Variants in BLK observed in about 807,000 individuals in gnomAD.
The protein encoded by BLK is tyrosine-protein kinase Blk.
BLK carries 64 observed loss-of-function variants against 61.8 expected under a neutral mutation model. The ratio of observed to expected loss-of-function variants is 1.03; its 90% CI spans 0.85 to 1.27. BLK has a LOEUF of 1.27. Ranked by LOEUF, BLK falls within the 50% of genes most tolerant of loss-of-function variation. The pLI is 0.00. For missense variants in BLK, 853 were observed against 660.5 expected, an observed-to-expected ratio of 1.29 and a Z score of -3.19; for synonymous variants, 351 against 272.0, an observed-to-expected ratio of 1.29 and a Z score of -2.86.
At chr8:11,508,576 C>G (rs1428357216) in intron 1 of BLK, among the ~76,000 whole-genome samples, 1 of 152,238 alleles carries the variant, frequency 6.6e-6, no homozygotes, top group Non-Finnish European at 1.5e-5. Flanking sequence ...TTCTGACCAC[C>G]CTATACCAGA....
chr8:11,535,784 A>T (rs1489225250), intron 1 of BLK, among the ~76,000 whole-genome samples: 1 of 152,222 alleles, frequency 6.6e-6, no homozygotes, highest in African/African-American at 2.4e-5. Context: ...CCTCGACAGC[A>T]TCTCTACCAA....
At chr8:11,515,618 T>C (rs1027563206) in intron 1 of BLK, among the ~76,000 whole-genome samples, 22 of 152,346 alleles carry the variant, frequency 1.4e-4, no homozygotes, top group African/African-American at 5.3e-4. Flanking sequence ...TTAACTGCAT[T>C]ATTTTTCTGT....
At chr8:11,538,686 G>A (rs955203924) in intron 1 of BLK, among the ~76,000 whole-genome samples, 2 of 152,198 alleles carry the variant, frequency 1.3e-5, no homozygotes, top group Non-Finnish European at 2.9e-5. Context: ...CTGGGCAGAT[G>A]CGGAAGTATG....
At chr8:11,513,704 A>C (rs996455623) in intron 1 of BLK, among the ~76,000 whole-genome samples, 6 of 152,236 alleles carry the variant, frequency 3.9e-5, no homozygotes, top group African/African-American at 1.4e-4. Flanking sequence ...GAGGCATTGC[A>C]TTCCCAAAGT....
At position 11,550,235 on chromosome 8, in the gene BLK, C is replaced by T; in HGVS notation, c.445C>T (p.Leu149Phe). ...TCCAATCAACAAGGCCGGCTCCTTT[C>T]TTATCAGAGAGAGTGAAACCAACAA... is the stretch of plus-strand genomic sequence containing the variant. ...LAPINKAGSF[L>F]IRESETNKGA... is the part of the protein sequence containing the mutation. The change falls in exon 6 of 13, where the codon CTT becomes TTT. Residue 149 changes from leucine (L) to phenylalanine (F), a missense_variant. Leu to Phe is a conservative substitution (Grantham distance 22, BLOSUM62 0). Coordinates refer to ENST00000259089, the MANE Select transcript of BLK (RefSeq NM_001715.3). 1 of 1,614,022 alleles carries T rather than the reference C, an allele frequency of 6.2e-7. No individual in the cohort carries two copies. Among genetic ancestry groups the T allele is most frequent in the South Asian group, 1.1e-5 (1 of 91,072 alleles).
intron 2 of BLK, 48 bp from the exon 3 acceptor site, chr8:11,546,004 C>A (rs753844347): frequency 1.3e-6 from 2 of 1,598,720 alleles, no homozygotes; most frequent in Non-Finnish European, 1.7e-6. Context: ...CAGGCCCCAC[C>A]CACGCAGCAG....
In BLK at chr8:11,525,783, C is replaced by T. The variant is rs190299701; in HGVS notation, c.-1-17441C>T. 1.8e-3 allele frequency among the ~76,000 whole-genome samples: 270 copies of T among 152,228 alleles called. 1 individual carries two copies. The highest frequency in any genetic ancestry group is 6.2e-3 in the African/African-American group (256 of 41,526). Reference sequence around the variant, plus strand: ...TCTCTGAGACAGAGTCTCATTCTGCCGCCCAGGCTGGAGTGCAGTGGCATG... The same window carrying T: ...TCTCTGAGACAGAGTCTCATTCTGCTGCCCAGGCTGGAGTGCAGTGGCATG... On this transcript the variant is annotated intron_variant, in intron 1 of 12. Transcript: ENST00000259089.
chr8:11,496,733 C>G (rs1798372050), intron 1 of BLK, among the ~76,000 whole-genome samples: 1 of 152,166 alleles, frequency 6.6e-6, no homozygotes, highest in African/African-American at 2.4e-5. Context: ...GACCCAGGCC[C>G]CTGGGGGAGT....
At chr8:11,521,535 C>T (rs1452416739) in intron 1 of BLK, among the ~76,000 whole-genome samples, 3 of 152,250 alleles carry the variant, frequency 2.0e-5, no homozygotes, top group Admixed American at 2.0e-4. Context: ...AAGTGGTACG[C>T]CCACCTTAGC....
At position 11,557,910 on chromosome 8, in the gene BLK, A is replaced by T. The variant is rs1585416830; in HGVS notation, c.953-52A>T. ...CTCACACCAGAGAGAGGCTGGCACC[A>T]CCAGGGGCGGGTCACTTTGCAGAAG... On this transcript the variant is annotated intron_variant, in intron 9 of 12. Coordinates refer to ENST00000259089, the MANE Select transcript of BLK (RefSeq NM_001715.3). The T allele has an allele frequency of 2.7e-5, 43 of 1,564,604 alleles. No individual in the cohort carries two copies. In the South Asian group the frequency reaches 4.3e-4, roughly 16 times the overall value.
At chr8:11,502,576 C>A (rs1208603282) in intron 1 of BLK, among the ~76,000 whole-genome samples, 1 of 152,220 alleles carries the variant, frequency 6.6e-6, no homozygotes, top group Non-Finnish European at 1.5e-5. Context: ...ACATGAGCCA[C>A]CACGCCCGGC....
At chr8:11,553,585 A>G (rs1801023546) in intron 6 of BLK, 1 of 210,288 alleles carries the variant, frequency 4.8e-6, no homozygotes, top group Non-Finnish European at 9.8e-6. Flanking sequence ...TGCAGCCTAC[A>G]AAATGGAGAG....
intron 1 of BLK, among the ~76,000 whole-genome samples, chr8:11,540,075 G>A (rs114562184): frequency 0.011 from 1,630 of 151,786 alleles, 23 homozygotes; most frequent in African/African-American, 0.037. Context: ...TTCTCTCTTC[G>A]CTTCTGGGTA....
intron 2 of BLK, among the ~76,000 whole-genome samples, chr8:11,544,664 T>G (rs927101736): frequency 2.0e-5 from 3 of 152,144 alleles, no homozygotes; most frequent in African/African-American, 7.2e-5. Flanking sequence ...ATGGAAAAAA[T>G]TATAATTACT....
At chr8:11,527,775 TAAA>T (rs113320027) in intron 1 of BLK, among the ~76,000 whole-genome samples, 1 of 139,198 alleles carries the variant, frequency 7.2e-6, no homozygotes, top group Non-Finnish European at 1.6e-5. Flanking sequence ...AGTCTGGGTG[TAAA>T]AAAAAAAAAA....
At chr8:11,505,408 T>C (rs973065965) in intron 1 of BLK, among the ~76,000 whole-genome samples, 4 of 152,158 alleles carry the variant, frequency 2.6e-5, no homozygotes, top group African/African-American at 4.8e-5. Context: ...GAGCACAGCA[T>C]GGTGACCTGC....
intron 1 of BLK, among the ~76,000 whole-genome samples, chr8:11,508,815 A>G (rs973947571): frequency 6.6e-6 from 1 of 152,228 alleles, no homozygotes; most frequent in Non-Finnish European, 1.5e-5. Context: ...CTTTGGGGCC[A>G]TCAGACAAGG....
Position 11,564,294 on chromosome 8 carries a change from C to A in BLK, c.*186C>A, listed in dbSNP as rs1415196956. On this transcript the variant is annotated 3_prime_UTR_variant, in exon 13 of 13. Coordinates refer to ENST00000259089, the MANE Select transcript of BLK (RefSeq NM_001715.3). ...CTCCTTCACCGACTGCACCCCCGGG[C>A]GAGTTACGCGGCCTCTCTGTGCCGC... is the stretch of plus-strand genomic sequence containing the variant. The A allele has an allele frequency of 5.3e-6, 4 of 753,806 alleles. No homozygotes were observed. Among genetic ancestry groups the A allele is most frequent in the East Asian group, 5.4e-5 (2 of 37,278 alleles). 46.7% of individuals were successfully genotyped at this position (753,806 alleles called of 1,614,324 possible). A position where few individuals can be genotyped will look rare whatever the true frequency, so the allele number is the denominator to read the frequency against.
chr8:11,509,175 T>G (rs1291742646), intron 1 of BLK: 8 of 152,088 alleles, frequency 5.3e-5, no homozygotes, highest in African/African-American at 1.9e-4. Flanking sequence ...AAGTTGGCAA[T>G]CCTCTCTCTC....
Sources: allele counts gnomAD v4.1 joint callset (sites outside exome capture counted in the v4.1 genomes callset), GRCh38; gene constraint gnomAD v4.1.1; transcripts MANE v1.5; gene names NCBI Gene and HGNC (gene_info 2026-07-23, HGNC 2026-07-21).